The following TDRP variants were observed in gnomAD, a reference collection of about 807,000 sequenced individuals.
TDRP encodes the protein testis development related protein.
In TDRP, 12 loss-of-function variants were observed where a neutral mutation model predicts 10.5. The observed-to-expected ratio is 1.15, with a 90% CI of 0.73 to 1.86. The LOEUF (loss-of-function observed/expected upper bound fraction) is 1.86. Ranked by LOEUF, TDRP falls within the 40% of genes most tolerant of loss-of-function variation. The pLI is 0.00. For missense variants in TDRP, 353 were observed against 229.2 expected (o/e 1.54, Z -3.49); for synonymous variants, 139 against 95.4 (o/e 1.46, Z -2.67).
At chr8:511,577 G>A (rs916093283) in intron 1 of TDRP, among the ~76,000 whole-genome samples, 5 of 152,120 alleles carry the variant, frequency 3.3e-5, no homozygotes, top group African/African-American at 1.2e-4. Flanking sequence ...AGAAGATGTG[G>A]AAAAACACTA....
At chr8:522,904 G>A (rs998246376) in intron 1 of TDRP, among the ~76,000 whole-genome samples, 2 of 152,230 alleles carry the variant, frequency 1.3e-5, no homozygotes, top group African/African-American at 4.8e-5. Flanking sequence ...TTCAGCTTAC[G>A]TGTATCCTTA....
intron 1 of TDRP, among the ~76,000 whole-genome samples, chr8:518,496 C>A (rs981935855): frequency 2.0e-4 from 31 of 152,072 alleles, no homozygotes; most frequent in African/African-American, 6.8e-4. Flanking sequence ...GAAAACCCAA[C>A]AAACCCATGT....
intron 1 of TDRP, among the ~76,000 whole-genome samples, chr8:498,253 A>C (rs920928053): frequency 2.6e-5 from 4 of 152,168 alleles, no homozygotes; most frequent in Admixed American, 6.5e-5. Flanking sequence ...AAAGAAATCA[A>C]ATGGGGCTGT....
intron 1 of TDRP, among the ~76,000 whole-genome samples, chr8:506,448 G>A (rs180992707): frequency 6.6e-6 from 1 of 152,164 alleles, no homozygotes; most frequent in East Asian, 1.9e-4. Flanking sequence ...GCCGTCCCCA[G>A]CTGCCTGTGG....
In TDRP at chr8:513,871, G is replaced by A. The variant is rs1375290727; in HGVS notation, c.109-19274C>T. 2.0e-5 allele frequency among the ~76,000 whole-genome samples: 3 copies of A among 152,144 alleles called. No individual in the cohort carries two copies. In the East Asian group the frequency reaches 5.8e-4, roughly 29 times the overall value. ...CACCAGCAAGGAACAATCCAAAAGT[G>A]AAATTAAGAAAGCAATTCCAGTTAC... is the stretch of plus-strand genomic sequence containing the variant. On this transcript the variant is annotated intron_variant, in intron 1 of 2. Coordinates refer to ENST00000324079, the MANE Select transcript of TDRP (RefSeq NM_001384899.1).
At chr8:542,254 G>C (rs1319109124) in intron 1 of TDRP, among the ~76,000 whole-genome samples, 1 of 152,170 alleles carries the variant, frequency 6.6e-6, no homozygotes, top group African/African-American at 2.4e-5. Context: ...TCCGGGGAGG[G>C]AGGGTGCACA....
intron 1 of TDRP, among the ~76,000 whole-genome samples, chr8:535,008 A>G (rs1323065769): frequency 6.6e-6 from 1 of 152,200 alleles, no homozygotes; most frequent in African/African-American, 2.4e-5. Flanking sequence ...TCTGCCCACA[A>G]CAGCAGCCTT....
chr8:539,560 A>G (rs1357188413), intron 1 of TDRP, among the ~76,000 whole-genome samples: 1 of 152,212 alleles, frequency 6.6e-6, no homozygotes, highest in East Asian at 1.9e-4. Flanking sequence ...GCAAATGGGA[A>G]AAGGCAGGTG....
chr8:533,078 C>A (rs189664296), intron 1 of TDRP, among the ~76,000 whole-genome samples: 1 of 152,336 alleles, frequency 6.6e-6, no homozygotes, highest in East Asian at 1.9e-4. Flanking sequence ...TGCCTCCAGA[C>A]CACTTCAGAG....
chr8:499,588 T>C (rs533491844), intron 1 of TDRP, among the ~76,000 whole-genome samples: 52 of 152,216 alleles, frequency 3.4e-4, no homozygotes, highest in South Asian at 1.7e-3. Flanking sequence ...TTAGAAGAGG[T>C]TGGAGTCCTA....
At chr8:502,439 C>T (rs556348170) in intron 1 of TDRP, among the ~76,000 whole-genome samples, 25 of 152,326 alleles carry the variant, frequency 1.6e-4, no homozygotes, top group East Asian at 3.9e-4. Flanking sequence ...TGGGGCTAGG[C>T]GGCCATAGCG....
At chr8:518,515 AT>A (rs1801814486) in intron 1 of TDRP, among the ~76,000 whole-genome samples, 1 of 152,214 alleles carries the variant, frequency 6.6e-6, no homozygotes, top group African/African-American at 2.4e-5. Flanking sequence ...GTATATAGAG[AT>A]TTTAGTATAC....
At chr8:510,803 C>G (rs909108436) in intron 1 of TDRP, among the ~76,000 whole-genome samples, 1 of 152,134 alleles carries the variant, frequency 6.6e-6, no homozygotes, top group Non-Finnish European at 1.5e-5. Flanking sequence ...ACAAAGTGCA[C>G]CGGTAATGGT....
intron 1 of TDRP, among the ~76,000 whole-genome samples, chr8:495,968 G>T (rs571035532): frequency 2.6e-5 from 4 of 152,172 alleles, no homozygotes; most frequent in Non-Finnish European, 5.9e-5. Context: ...ATCTGTAGAC[G>T]GGGGACAGGC....
Position 502,079 on chromosome 8 carries a change from C to T in TDRP, c.109-7482G>A, listed in dbSNP as rs964663393. Reference sequence around the variant, plus strand: ...GGCATCGCCATTGGCTACCACCTCCCACCTTCCTGAATACTGTGAAAATGC... The same window carrying T: ...GGCATCGCCATTGGCTACCACCTCCTACCTTCCTGAATACTGTGAAAATGC... On this transcript the variant is annotated intron_variant, in intron 1 of 2. Transcript: ENST00000324079. Among the ~76,000 whole-genome samples the T allele has an allele frequency of 2.0e-5, 3 of 152,330 alleles. No homozygotes were observed. The South Asian group carries it at 6.2e-4, about 32-fold the overall frequency.
chr8:541,695 G>C (rs1563134805), intron 1 of TDRP, among the ~76,000 whole-genome samples: 1 of 152,164 alleles, frequency 6.6e-6, no homozygotes, highest in Non-Finnish European at 1.5e-5. Context: ...CGCAATTCAA[G>C]ACAAAGAGAA....
At chr8:493,993 G>GTTTTTTTTTTTTTTTTTTTTTTTTTT (rs68057437) in intron 2 of TDRP, among the ~76,000 whole-genome samples, 1 of 106,528 alleles carries the variant, frequency 9.4e-6, no homozygotes, top group African/African-American at 3.6e-5. Context: ...CATTTCTGTT[G>GTTTTTTTTTTTTTTTTTTTTTTTTTT]TTTTTTTTTT....
At chr8:495,056 A>G (rs560976838) in intron 1 of TDRP, 1 of 155,190 alleles carries the variant, frequency 6.4e-6, no homozygotes, top group Non-Finnish European at 1.4e-5. Flanking sequence ...ACAAAGTGAG[A>G]CCCCGTTGCT....
At chr8:543,099 G>A (rs1236858826) in intron 1 of TDRP, among the ~76,000 whole-genome samples, 1 of 152,128 alleles carries the variant, frequency 6.6e-6, no homozygotes, top group Non-Finnish European at 1.5e-5. Context: ...CGTGAGCCCA[G>A]GAGTTTCAGA....
Sources: allele counts gnomAD v4.1 joint callset (sites outside exome capture counted in the v4.1 genomes callset), GRCh38; gene constraint gnomAD v4.1.1; transcripts MANE v1.5; gene names NCBI Gene and HGNC (gene_info 2026-07-23, HGNC 2026-07-21).